The following RAD51B variants were observed in gnomAD, a reference collection of about 807,000 sequenced individuals.
RAD51B encodes the protein RAD51 paralog B.
In RAD51B, 38 loss-of-function variants were observed where a neutral mutation model predicts 42.2. The observed-to-expected ratio is 0.90, with a 90% CI of 0.70 to 1.18. RAD51B has a LOEUF of 1.18. Ranked by LOEUF, RAD51B falls within the 50% of genes most tolerant of loss-of-function variation. RAD51B has a pLI of 0.00. For synonymous variants in RAD51B, 154 were observed against 145.2 expected (o/e 1.06, Z -0.43); for missense variants, 373 against 400.7 (o/e 0.93, Z 0.59).
chr14:68,223,089 G>A (rs1366546071), intron 7 of RAD51B, among the ~76,000 whole-genome samples: 4 of 152,130 alleles, frequency 2.6e-5, no homozygotes, highest in Admixed American at 6.5e-5. Flanking sequence ...TTCCAGAATG[G>A]CCATTTCTTA....
chr14:67,925,983 G>T (rs566822754), intron 7 of RAD51B, among the ~76,000 whole-genome samples: 3 of 152,270 alleles, frequency 2.0e-5, no homozygotes, highest in Admixed American at 1.3e-4. Flanking sequence ...GGGACCCTGG[G>T]CCCAGCCCAT....
At chr14:68,475,274 A>G (rs1035186810) in intron 10 of RAD51B, among the ~76,000 whole-genome samples, 1 of 152,222 alleles carries the variant, frequency 6.6e-6, no homozygotes, top group Non-Finnish European at 1.5e-5. Context: ...AAAGAAAATG[A>G]ATATTCGGTG....
chr14:68,620,507 T>C (rs1350547218), intron 10 of RAD51B, among the ~76,000 whole-genome samples: 2 of 152,240 alleles, frequency 1.3e-5, no homozygotes, highest in African/African-American at 4.8e-5. Context: ...TTAGAGAGTA[T>C]AGTCCTTTGA....
At chr14:68,444,836 A>G (rs991629266) in intron 9 of RAD51B, among the ~76,000 whole-genome samples, 1 of 152,184 alleles carries the variant, frequency 6.6e-6, no homozygotes, top group Non-Finnish European at 1.5e-5. Flanking sequence ...TTACCCCTTA[A>G]TAATGAGACA....
At chr14:67,920,794 GA>G (rs998471519) in intron 7 of RAD51B, among the ~76,000 whole-genome samples, 6 of 150,750 alleles carry the variant, frequency 4.0e-5, no homozygotes, top group South Asian at 2.1e-4. Context: ...TAGTCCCCAG[GA>G]AAAAAAAATT....
intron 10 of RAD51B, among the ~76,000 whole-genome samples, chr14:68,643,433 A>C (rs570908876): frequency 2.3e-4 from 35 of 152,318 alleles, no homozygotes; most frequent in African/African-American, 8.4e-4. Context: ...GACAACATAG[A>C]GTTGGGTCTT....
intron 10 of RAD51B, among the ~76,000 whole-genome samples, chr14:68,619,901 G>T (rs1891909742): frequency 6.6e-6 from 1 of 152,140 alleles, no homozygotes; most frequent in South Asian, 2.1e-4. Context: ...TTCTAATGTG[G>T]CAAGCCTATT....
At position 68,321,036 on chromosome 14, in the gene RAD51B, C is replaced by T. The variant is rs189541166; in HGVS notation, c.853+29056C>T. ...CTCCTCTTTTCTTTTCCTCTGCACT[C>T]TCCTCATCTGTCTCCAAGTCCCCAT... On this transcript the variant is annotated intron_variant, in intron 8 of 10. Transcript: ENST00000471583. Among the ~76,000 whole-genome samples the T allele has an allele frequency of 8.5e-4, 129 of 152,250 alleles. 3 individuals carry two copies. The highest frequency in any genetic ancestry group is 4.1e-4 in the Non-Finnish European group (28 of 68,022).
downstream of RAD51B, among the ~76,000 whole-genome samples, chr14:68,478,437 T>C (rs944338809): frequency 3.3e-5 from 5 of 152,240 alleles, no homozygotes; most frequent in African/African-American, 7.2e-5. Flanking sequence ...AGCCCAAAGC[T>C]GGGCCAGTCA....
At chr14:68,446,861 T>C (rs1483868948) in intron 9 of RAD51B, among the ~76,000 whole-genome samples, 4 of 152,178 alleles carry the variant, frequency 2.6e-5, no homozygotes, top group Non-Finnish European at 5.9e-5. Context: ...AGCCAATAAA[T>C]TCCCTTTTTT....
intron 8 of RAD51B, among the ~76,000 whole-genome samples, chr14:68,357,062 G>A (rs1316792947): frequency 6.6e-6 from 1 of 151,164 alleles, no homozygotes; most frequent in Non-Finnish European, 1.5e-5. Context: ...TCTGTAGCAT[G>A]TCATGCTGTT....
intron 7 of RAD51B, among the ~76,000 whole-genome samples, chr14:67,900,862 A>G (rs2043589440): frequency 6.6e-6 from 1 of 152,126 alleles, no homozygotes; most frequent in Non-Finnish European, 1.5e-5. Context: ...TATGATCTTT[A>G]GCTTAGTTTA....
intron 4 of RAD51B, among the ~76,000 whole-genome samples, chr14:67,840,268 CT>C (rs1315093125): frequency 6.6e-5 from 10 of 152,056 alleles, no homozygotes; most frequent in Non-Finnish European, 1.2e-4. Context: ...TTTTTTTAGC[CT>C]TTTTCCCTGC....
rs1346573609 is a variant in RAD51B, at chr14:67,911,107, C to T, written c.756+23903C>T. ...TTCTAGGATTACAGATGTGAGCCAC[C>T]GTGCCCAGCCCCAGTCTCATTTTGG... On this transcript the variant is annotated intron_variant, in intron 7 of 10. Transcript: ENST00000471583. Among the ~76,000 whole-genome samples, 4 of 152,100 alleles carry T rather than the reference C, an allele frequency of 2.6e-5. No homozygotes were observed. The South Asian group carries it at 6.2e-4, about 24-fold the overall frequency.
At chr14:68,587,172 C>A (rs1407487385) in intron 10 of RAD51B, among the ~76,000 whole-genome samples, 2 of 152,190 alleles carry the variant, frequency 1.3e-5, no homozygotes, top group African/African-American at 4.8e-5. Context: ...ACCCCTCTGT[C>A]CACACAAAAG....
intron 7 of RAD51B, among the ~76,000 whole-genome samples, chr14:67,912,113 T>C (rs2044004092): frequency 6.6e-6 from 1 of 152,184 alleles, no homozygotes; most frequent in Non-Finnish European, 1.5e-5. Context: ...AAATTGTACT[T>C]CTTGTTTGTC....
intron 8 of RAD51B, among the ~76,000 whole-genome samples, chr14:68,299,253 TCTCATTTAGTC>T: frequency 6.6e-6 from 1 of 152,204 alleles, no homozygotes. Context: ...ATGTTTATTA[TCTCATTTAGTC>T]CTCACAACCA....
chr14:68,669,741 G>A (rs1212597359), intron 11 of RAD51B, among the ~76,000 whole-genome samples: 2 of 152,096 alleles, frequency 1.3e-5, no homozygotes, highest in African/African-American at 2.4e-5. Context: ...GGCCCAGTAA[G>A]AGCTTTGTGA....
At chr14:68,102,727 G>A (rs1295666431) in intron 7 of RAD51B, among the ~76,000 whole-genome samples, 1 of 152,104 alleles carries the variant, frequency 6.6e-6, no homozygotes, top group Non-Finnish European at 1.5e-5. Context: ...TCCAAACCCT[G>A]CTTGTTACCA....
Sources: gnomAD v4.1 joint callset for allele counts (sites outside exome capture counted in the v4.1 genomes callset) on GRCh38, gnomAD v4.1.1 for gene constraint, MANE v1.5 for transcripts, NCBI Gene and HGNC (gene_info 2026-07-23, HGNC 2026-07-21) for gene names.